Variants in LOXHD1 observed in about 807,000 individuals in gnomAD.
The protein encoded by LOXHD1 is lipoxygenase homology domain-containing protein 1.
A neutral mutation model predicts 248.2 loss-of-function variants in LOXHD1; 205 were observed. The ratio of observed to expected loss-of-function variants is 0.83; its 90% confidence interval spans 0.74 to 0.93. The LOEUF is 0.93. LOXHD1 is among the 40% of genes least tolerant of loss of function. The pLI is 0.00. For missense variants in LOXHD1, 2,930 were observed against 2,971.6 expected (o/e 0.99, Z 0.33); for synonymous variants, 1,113 against 1,162.8 (o/e 0.96, Z 0.87).
chr18:46,584,489 T>G (rs1294754000), intron 12 of LOXHD1, among the ~76,000 whole-genome samples: 1 of 152,076 alleles, frequency 6.6e-6, no homozygotes, highest in Non-Finnish European at 1.5e-5. Context: ...AATGTTAAAT[T>G]GTACTCCATA....
At chr18:46,640,310 CT>C (rs1322662196) in intron 3 of LOXHD1, among the ~76,000 whole-genome samples, 1 of 152,194 alleles carries the variant, frequency 6.6e-6, no homozygotes, top group East Asian at 1.9e-4. Flanking sequence ...AGCTTATACC[CT>C]GGGGCTCAAC....
At chr18:46,501,932 T>G (rs748223010) in intron 37 of LOXHD1, among the ~76,000 whole-genome samples, 12 of 152,210 alleles carry the variant, frequency 7.9e-5, no homozygotes, top group Admixed American at 2.0e-4. Flanking sequence ...AAGACAATCA[T>G]TATTCCTGAC....
chr18:46,579,507 G>T (rs560259277), intron 13 of LOXHD1, 123 bp downstream of exon 13: 7 of 1,306,052 alleles, frequency 5.4e-6, no homozygotes, highest in South Asian at 1.4e-5. Context: ...CCAGAGTGAG[G>T]CTCCTGATGG....
At chr18:46,622,772 G>A (rs1298403330) in intron 4 of LOXHD1, among the ~76,000 whole-genome samples, 2 of 152,222 alleles carry the variant, frequency 1.3e-5, no homozygotes, top group African/African-American at 4.8e-5. Context: ...CATGTGGCTG[G>A]GCTGAGCCTG....
chr18:46,629,319 A>T (rs1333416083), intron 4 of LOXHD1, among the ~76,000 whole-genome samples: 2 of 152,186 alleles, frequency 1.3e-5, no homozygotes, highest in African/African-American at 4.8e-5. Flanking sequence ...AAGATTAATG[A>T]TTTAATTACT....
In LOXHD1 at chr18:46,594,328, T is replaced by C; in HGVS notation, c.1270+3A>G. On this transcript the variant is annotated splice_donor_region_variant and intron_variant, in intron 9 of 40. Coordinates refer to ENST00000642948, the MANE Select transcript of LOXHD1 (RefSeq NM_001384474.1). Reference sequence around the variant, plus strand: ...CTCCAGGTTCTGGGTCTCTCTCACTTACTTTTCAGCCGCTTCTTCCTGAGA... The same window carrying C: ...CTCCAGGTTCTGGGTCTCTCTCACTCACTTTTCAGCCGCTTCTTCCTGAGA... The C allele has an allele frequency of 6.4e-7, 1 of 1,551,626 alleles. No individual in the cohort carries two copies. The highest frequency in any genetic ancestry group is 8.7e-7 in the Non-Finnish European group (1 of 1,146,984).
At chr18:46,492,115 A>AGGTGTC (rs199794758) in intron 37 of LOXHD1, among the ~76,000 whole-genome samples, 3 of 152,072 alleles carry the variant, frequency 2.0e-5, no homozygotes, top group African/African-American at 7.2e-5. Flanking sequence ...ACTATGAAAC[A>AGGTGTC]TCTGGCAGGC....
rs369980401 is a variant in LOXHD1 at position 46,607,368 on chromosome 18, T to C, written c.760-3139A>G. Among the ~76,000 whole-genome samples, 48 of 149,248 alleles carry C rather than the reference T, an allele frequency of 3.2e-4. 1 individual carries two copies. In the East Asian group the frequency reaches 6.4e-3, roughly 20 times the overall value. ...ACATATACATACATATATACATATA[T>C]GTACATATATACATATATACGTACG... On this transcript the variant is annotated intron_variant, in intron 6 of 40. Transcript: ENST00000642948.
intron 12 of LOXHD1, among the ~76,000 whole-genome samples, chr18:46,581,414 TGGGGGAA>T (rs2037959416): frequency 6.6e-6 from 1 of 152,036 alleles, no homozygotes; most frequent in African/African-American, 2.4e-5. Flanking sequence ...AGGGGAGTCT[TGGGGGAA>T]GGATAGGTTT....
At chr18:46,566,833 T>C (rs575537785) in intron 16 of LOXHD1, among the ~76,000 whole-genome samples, 1 of 152,384 alleles carries the variant, frequency 6.6e-6, no homozygotes, top group South Asian at 2.1e-4. Flanking sequence ...AACTGTGTTA[T>C]TGATTTGGTT....
chr18:46,591,307 T>C (rs986399688), intron 12 of LOXHD1, among the ~76,000 whole-genome samples: 1 of 152,260 alleles, frequency 6.6e-6, no homozygotes, highest in Admixed American at 6.5e-5. Context: ...TATTGAGGGC[T>C]ACAAAGCTCA....
Position 46,534,378 on chromosome 18 carries a change from T to C in LOXHD1, c.4169A>G (p.His1390Arg). 1 of 1,551,724 alleles carries C rather than the reference T, an allele frequency of 6.4e-7. No homozygotes were observed. Residue 1390 changes from histidine to arginine, a missense_variant, in exon 27 of 41, where the codon CAC becomes CGC. His to Arg is a conservative substitution (Grantham distance 29). Coordinates refer to ENST00000642948, the MANE Select transcript of LOXHD1 (RefSeq NM_001384474.1). The part of the protein sequence containing the change: ...HNNTGMNPGW[H>R]CSHVDIRRLL... The stretch of plus-strand genomic sequence containing the variant: ...CCTGCGGATGTCCACGTGAGAGCAG[T>C]GCCACCCAGGATTCATGCCCGTGTT...
At chr18:46,596,628 A>T (rs2038260748) in intron 8 of LOXHD1, among the ~76,000 whole-genome samples, 1 of 152,224 alleles carries the variant, frequency 6.6e-6, no homozygotes, top group South Asian at 2.1e-4. Flanking sequence ...TGCTCCAGAC[A>T]GAAAATAATA....
At chr18:46,645,810 T>G (rs1599073755) in intron 2 of LOXHD1, among the ~76,000 whole-genome samples, 2 of 149,952 alleles carry the variant, frequency 1.3e-5, no homozygotes, top group African/African-American at 2.4e-5. Flanking sequence ...GGAGTGAAAG[T>G]GAAGACCTGG....
chr18:46,499,383 G>C (rs762897087), intron 37 of LOXHD1, among the ~76,000 whole-genome samples: 8 of 152,178 alleles, frequency 5.3e-5, no homozygotes, highest in Non-Finnish European at 1.0e-4. Context: ...GTTAGCTTGG[G>C]CAAAAGATGT....
Position 46,521,243 on chromosome 18 carries a change from C to G in LOXHD1, c.5125G>C (p.Val1709Leu). The G allele has an allele frequency of 6.4e-7, 1 of 1,551,766 alleles. No individual in the cohort carries two copies. The highest frequency in any genetic ancestry group is 8.7e-7 in the Non-Finnish European group (1 of 1,147,002). The change falls in exon 33 of 41, where the codon GTG (valine) becomes CTG (leucine). Residue 1709 changes from valine to leucine, a missense_variant. Transcript: ENST00000642948. ...DGASPESCWL[V>L]EELCLAVPTQ... ...GGCACTGCCAAACACAACTCTTCCA[C>G]CAGCCAGCAGCTCTCAGGGGAGGCC...
Position 46,524,582 on chromosome 18 carries a change from C to T in LOXHD1, c.4760G>A (p.Ser1587Asn), listed in dbSNP as rs1318916998. 1 of 1,551,722 alleles carries T rather than the reference C, an allele frequency of 6.4e-7. No homozygotes were observed. Among genetic ancestry groups the T allele is most frequent in the East Asian group, 2.4e-5 (1 of 40,908 alleles). The change falls in exon 31 of 41, where the codon AGC becomes AAC. Residue 1587 changes from serine (S) to asparagine (N), a missense_variant. By Grantham distance (46) the Ser-to-Asn change is conservative. Transcript: ENST00000642948. ...FYEKEYTGDR[S>N]SNCSSPADFW... The stretch of plus-strand genomic sequence containing the variant: ...GTCAGCAGGGCTGCTGCAGTTGCTG[C>T]TGCGGTCCCCAGTGTACTCCTGTGT...
chr18:46,634,863 T>C (rs1016919274), intron 4 of LOXHD1, among the ~76,000 whole-genome samples: 2 of 152,210 alleles, frequency 1.3e-5, no homozygotes, highest in African/African-American at 4.8e-5. Context: ...TAGAGATTGA[T>C]GGTGGTGACG....
At chr18:46,598,219 C>T (rs929776056) in intron 8 of LOXHD1, among the ~76,000 whole-genome samples, 1 of 152,046 alleles carries the variant, frequency 6.6e-6, no homozygotes, top group African/African-American at 2.4e-5. Flanking sequence ...AAAGACCATA[C>T]AACTATCTCA....
Sources: gnomAD v4.1 joint callset for allele counts (sites outside exome capture counted in the v4.1 genomes callset) on GRCh38, gnomAD v4.1.1 for gene constraint, MANE v1.5 for transcripts, NCBI Gene and HGNC (gene_info 2026-07-23, HGNC 2026-07-21) for gene names.